SPACA7: variants seen among roughly 807,000 people sequenced by gnomAD.
The protein encoded by SPACA7 is sperm acrosome-associated protein 7.
SPACA7 carries 19 observed loss-of-function variants against 26.3 expected under a neutral mutation model. The observed-to-expected ratio is 0.72, with a 90% CI of 0.50 to 1.06. SPACA7 has a LOEUF of 1.06. Among genes scored for constraint, SPACA7 ranks in the 50% least tolerant of loss-of-function variants. The pLI is 0.00. For missense variants in SPACA7, 211 were observed against 229.9 expected (o/e 0.92, Z 0.53); for synonymous variants, 84 against 84.5 (o/e 0.99, Z 0.04).
Position 112,394,215 on chromosome 13 carries a change from C to T in SPACA7, c.151+1138C>T, listed in dbSNP as rs190655077. On this transcript the variant is annotated intron_variant, in intron 2 of 6. Coordinates refer to ENST00000283550, the MANE Select transcript of SPACA7 (RefSeq NM_145248.5). ...TGCCTGCACTTCTGCTCTGACCTCT[C>T]GTTTTACATGTGGGGAAACTGAGGC... 4.1e-4 allele frequency among the ~76,000 whole-genome samples: 63 copies of T among 152,302 alleles called. 1 individual carries two copies. The highest frequency in any genetic ancestry group is 1.3e-3 in the African/African-American group (52 of 41,560).
chr13:112,411,546 T>C (rs146003760), intron 5 of SPACA7, among the ~76,000 whole-genome samples: 2,383 of 152,218 alleles, frequency 0.016, 27 homozygotes, highest in Middle Eastern at 0.027. Context: ...ATTCCTTCTA[T>C]CTAACTGTAT....
At chr13:112,432,596 G>C (rs887859006) in intron 6 of SPACA7, 75 bp downstream of exon 6, 1 of 1,179,434 alleles carries the variant, frequency 8.5e-7, no homozygotes, top group Non-Finnish European at 1.3e-6. Flanking sequence ...GTGTGTCTCC[G>C]AGCAGCTCCA....
Position 112,376,448 on chromosome 13 carries a change from A to C in SPACA7, c.63A>C (p.Glu21Asp), listed in dbSNP as rs952720939. Residue 21 changes from glutamate (E) to aspartate (D), a missense_variant, in exon 1 of 7, where the codon GAA becomes GAC. Physicochemically the swap from Glu to Asp is conservative, Grantham distance 45 (BLOSUM62 2). Coordinates refer to ENST00000283550, the MANE Select transcript of SPACA7 (RefSeq NM_145248.5). The part of the protein sequence containing the change: ...CFVLLLCCWQ[E>D]TELRPRTVIP... ...TCCTCCTGCTGTGCTGTTGGCAAGA[A>C]ACTGAGCTCCGGCCGAGAACCGTGA... 6.2e-7 allele frequency: 1 copy of C among 1,613,646 alleles called. No homozygotes were observed. The highest frequency in any genetic ancestry group is 8.5e-7 in the Non-Finnish European group (1 of 1,179,882).
At chr13:112,404,748 G>A (rs552837270) in intron 5 of SPACA7, among the ~76,000 whole-genome samples, 13 of 151,924 alleles carry the variant, frequency 8.6e-5, no homozygotes, top group Non-Finnish European at 1.9e-4. Flanking sequence ...TTTATTTCTG[G>A]GTTCTCTATT....
intron 5 of SPACA7, among the ~76,000 whole-genome samples, chr13:112,408,443 A>G (rs139628795): frequency 0.016 from 2,384 of 152,228 alleles, 71 homozygotes; most frequent in African/African-American, 0.054. Context: ...CTGTTTGCAG[A>G]TGACATGATT....
intron 5 of SPACA7, among the ~76,000 whole-genome samples, chr13:112,418,951 A>G (rs961839818): frequency 6.6e-6 from 1 of 151,996 alleles, no homozygotes; most frequent in Non-Finnish European, 1.5e-5. Context: ...TGAACCCAGG[A>G]GGCAGAGGTT....
intron 5 of SPACA7, among the ~76,000 whole-genome samples, chr13:112,411,524 A>G (rs1197524652): frequency 2.6e-5 from 4 of 152,110 alleles, no homozygotes. Context: ...GTGCTGCCAA[A>G]TGCTAGAACT....
intron 1 of SPACA7, among the ~76,000 whole-genome samples, chr13:112,389,716 G>T (rs1214111366): frequency 1.3e-5 from 2 of 152,198 alleles, no homozygotes; most frequent in African/African-American, 4.8e-5. Flanking sequence ...AACAGTGATT[G>T]TATGGCTTCA....
At chr13:112,414,957 C>T (rs772776552) in intron 5 of SPACA7, among the ~76,000 whole-genome samples, 2 of 152,156 alleles carry the variant, frequency 1.3e-5, no homozygotes, top group East Asian at 1.9e-4. Flanking sequence ...TTCAGAGGAC[C>T]TTTCATTGAT....
At chr13:112,392,986 C>T (rs370029508) in intron 1 of SPACA7, 35 bp from the exon 2 acceptor site, 8 of 1,576,552 alleles carry the variant, frequency 5.1e-6, no homozygotes, top group Non-Finnish European at 6.1e-6. Context: ...ATTCAATGAA[C>T]ATTGTTAAAC....
chr13:112,392,605 C>T (rs111394377), intron 1 of SPACA7, among the ~76,000 whole-genome samples: 7 of 152,282 alleles, frequency 4.6e-5, no homozygotes, highest in African/African-American at 1.2e-4. Flanking sequence ...GCGCCTTTCA[C>T]GAAGGAGGTC....
intron 5 of SPACA7, among the ~76,000 whole-genome samples, chr13:112,426,180 A>G (rs1171132889): frequency 1.3e-5 from 2 of 152,146 alleles, no homozygotes; most frequent in South Asian, 2.1e-4. Flanking sequence ...AAAAAATTCA[A>G]CTTTCTCTCT....
intron 1 of SPACA7, among the ~76,000 whole-genome samples, chr13:112,390,016 GTTGGTC>G (rs1258063678): frequency 6.6e-6 from 1 of 152,182 alleles, no homozygotes; most frequent in African/African-American, 2.4e-5. Flanking sequence ...CCTGTTTCCA[GTTGGTC>G]TTTTTCCTTT....
chr13:112,424,410 C>T (rs1399931767), intron 5 of SPACA7, among the ~76,000 whole-genome samples: 1 of 152,184 alleles, frequency 6.6e-6, no homozygotes, highest in East Asian at 1.9e-4. Context: ...GGAATGAGAG[C>T]TGGCCCGGGC....
At chr13:112,379,884 A>C (rs888517807) in intron 1 of SPACA7, among the ~76,000 whole-genome samples, 2 of 152,206 alleles carry the variant, frequency 1.3e-5, no homozygotes, top group Non-Finnish European at 2.9e-5. Flanking sequence ...ATGAAATGGT[A>C]GCTATCCATT....
chr13:112,431,555 T>G (rs1877137434), intron 5 of SPACA7, among the ~76,000 whole-genome samples: 1 of 152,218 alleles, frequency 6.6e-6, no homozygotes, highest in African/African-American at 2.4e-5. Context: ...CTGAGCCTGC[T>G]AGGTGCTCGG....
At chr13:112,422,541 C>T (rs1876089355) in intron 5 of SPACA7, among the ~76,000 whole-genome samples, 1 of 152,126 alleles carries the variant, frequency 6.6e-6, no homozygotes, top group South Asian at 2.1e-4. Flanking sequence ...ATCTTTTTGA[C>T]CACAAAACAA....
Position 112,401,124 on chromosome 13 carries a change from A to G in SPACA7, c.405A>G (p.Pro135=). 3 of 1,614,218 alleles carry G rather than the reference A, an allele frequency of 1.9e-6. No homozygotes were observed. Among genetic ancestry groups the G allele is most frequent in the Non-Finnish European group, 2.5e-6 (3 of 1,180,048 alleles). ...HGDPSENYRG[P]QVSPGSEKSV... ...ATCCTTCTGAGAATTATCGTGGGCC[A>G]CAGGTGTCTCCTGGCAGTGAGAAGA... Residue 135 remains proline (P), a synonymous_variant, in exon 5 of 7, where the codon CCA becomes CCG. Transcript: ENST00000283550.
At chr13:112,421,014 A>G (rs1875909399) in intron 5 of SPACA7, among the ~76,000 whole-genome samples, 1 of 152,166 alleles carries the variant, frequency 6.6e-6, no homozygotes, top group Non-Finnish European at 1.5e-5. Context: ...AATAAGGATT[A>G]TTTCAGACAA....
Sources: allele counts gnomAD v4.1 joint callset (sites outside exome capture counted in the v4.1 genomes callset), GRCh38; gene constraint gnomAD v4.1.1; transcripts MANE v1.5; gene names NCBI Gene and HGNC (gene_info 2026-07-23, HGNC 2026-07-21).